Variants in BIN3 observed in about 807,000 individuals in gnomAD.
BIN3 encodes the protein bridging integrator 3.
Under a neutral mutation model 38.2 loss-of-function variants are expected in BIN3, and 41 were observed. The observed-to-expected ratio is 1.07, with a 90% CI of 0.84 to 1.39. The LOEUF is 1.39. BIN3 is among the 40% of genes most tolerant of loss of function. The pLI is 0.00. For missense variants in BIN3, 361 were observed against 324.3 expected, an observed-to-expected ratio of 1.11 and a Z score of -0.87; for synonymous variants, 145 against 122.6, an observed-to-expected ratio of 1.18 and a Z score of -1.21.
At chr8:22,661,603 T>C (rs1803239873) in intron 1 of BIN3, among the ~76,000 whole-genome samples, 1 of 151,092 alleles carries the variant, frequency 6.6e-6, no homozygotes, top group Non-Finnish European at 1.5e-5. Flanking sequence ...AGTGATCTGC[T>C]TGCCTTGACC....
intron 1 of BIN3, among the ~76,000 whole-genome samples, chr8:22,648,076 A>G (rs1410926236): frequency 7.2e-6 from 1 of 139,286 alleles, no homozygotes; most frequent in East Asian, 2.5e-4. Context: ...CAGAGCTTGC[A>G]GTGAGCCGAG....
At chr8:22,636,352 T>C (rs1180075988) in intron 4 of BIN3, among the ~76,000 whole-genome samples, 173 bp downstream of exon 4, 1 of 152,154 alleles carries the variant, frequency 6.6e-6, no homozygotes, top group Non-Finnish European at 1.5e-5. Context: ...GCGAGCTCTG[T>C]GCAAAGTGGG....
In BIN3 at chr8:22,626,575, T is replaced by C. The variant is rs542124801; in HGVS notation, c.339-2212A>G. On this transcript the variant is annotated intron_variant, in intron 6 of 8. Transcript: ENST00000276416. The stretch of plus-strand genomic sequence containing the variant: ...CTGCTGCTTGGATGGTCCCAGTGCC[T>C]GGGCCTTGTGGGTGCCTGGGAGCTG... The C allele has an allele frequency of 3.7e-3, 570 of 152,458 alleles. 3 individuals carry two copies. Among genetic ancestry groups the C allele is most frequent in the Admixed American group, 6.1e-3 (93 of 15,302 alleles). 9.4% of individuals were successfully genotyped at this position (152,458 alleles called of 1,614,324 possible).
chr8:22,633,502 C>T (rs544982010), intron 4 of BIN3, among the ~76,000 whole-genome samples: 12 of 152,342 alleles, frequency 7.9e-5, no homozygotes, highest in East Asian at 5.8e-4. Context: ...AGTCCTGATG[C>T]GGCCTCTGGA....
intron 1 of BIN3, among the ~76,000 whole-genome samples, chr8:22,651,382 C>T (rs1056590234): frequency 3.9e-5 from 6 of 152,222 alleles, no homozygotes; most frequent in African/African-American, 1.4e-4. Context: ...GCTCCCCAGC[C>T]GTGAGGCTCT....
chr8:22,647,400 T>C (rs1353839552), intron 1 of BIN3, among the ~76,000 whole-genome samples: 2 of 152,184 alleles, frequency 1.3e-5, no homozygotes, highest in African/African-American at 4.8e-5. Flanking sequence ...AGGAAGCAGA[T>C]CCAGAAAGGT....
Position 22,636,956 on chromosome 8 carries a change from T to G in BIN3, c.64A>C (p.Arg22=), listed in dbSNP as rs376481061. ...KKQIVPKTVE[R]DFEREYGKLQ... is the part of the protein sequence containing the mutation. ...TTTCCATACTCCCTTTCAAAGTCTC[T>G]CTCCACCTGAAACGAGAGAGATAAC... Residue 22 remains arginine, a synonymous_variant, in exon 3 of 9, where the codon AGA becomes CGA. Transcript: ENST00000276416. 145 of 1,613,026 alleles carry G rather than the reference T, an allele frequency of 9.0e-5. No homozygotes were observed. The African/African-American group carries it at 1.8e-3, about 20-fold the overall frequency.
chr8:22,652,221 T>G (rs1001449874), intron 1 of BIN3, among the ~76,000 whole-genome samples: 30 of 152,222 alleles, frequency 2.0e-4, no homozygotes, highest in Non-Finnish European at 1.5e-5. Context: ...ACTAAGTGCT[T>G]TCCTTGGATG....
chr8:22,638,350 C>T (rs1271447039), intron 2 of BIN3, among the ~76,000 whole-genome samples: 1 of 152,204 alleles, frequency 6.6e-6, no homozygotes, highest in South Asian at 2.1e-4. Flanking sequence ...GAGTGACTTC[C>T]CTAAGGATGC....
At chr8:22,662,756 AT>A (rs2117601675) in intron 1 of BIN3, among the ~76,000 whole-genome samples, 1 of 152,322 alleles carries the variant, frequency 6.6e-6, no homozygotes, top group South Asian at 2.1e-4. Context: ...ATAGATCAAA[AT>A]CAGTCATGAA....
chr8:22,623,099 G>C, intron 8 of BIN3, among the ~76,000 whole-genome samples: 1 of 152,368 alleles, frequency 6.6e-6, no homozygotes, highest in South Asian at 2.1e-4. Context: ...AGGAGGGGCA[G>C]AGCCACAGGG....
At chr8:22,622,145 G>A (rs1014513912) in intron 8 of BIN3, among the ~76,000 whole-genome samples, 2 of 152,224 alleles carry the variant, frequency 1.3e-5, no homozygotes, top group African/African-American at 4.8e-5. Context: ...GGTGTGGGAG[G>A]GGACACAGGG....
At chr8:22,663,513 G>C (rs1002598161) in intron 1 of BIN3, among the ~76,000 whole-genome samples, 7 of 150,250 alleles carry the variant, frequency 4.7e-5, no homozygotes, top group African/African-American at 1.7e-4. Context: ...TCTCTTCTGA[G>C]TTATCCTGCA....
chr8:22,655,314 G>A (rs1413324893), intron 1 of BIN3, among the ~76,000 whole-genome samples: 1 of 152,036 alleles, frequency 6.6e-6, no homozygotes, highest in East Asian at 1.9e-4. Flanking sequence ...TTCTTTTGTT[G>A]TTCATGCTTT....
Position 22,621,554 on chromosome 8 carries a change from C to T in BIN3, c.630G>A (p.Ser210=), listed in dbSNP as rs761017279. 45 of 1,613,664 alleles carry T rather than the reference C, an allele frequency of 2.8e-5. No individual in the cohort carries two copies. The Admixed American group carries it at 4.3e-4, about 16-fold the overall frequency. The change falls in exon 9 of 9, where the codon TCG becomes TCA. Residue 210 remains serine, a synonymous_variant. Coordinates refer to ENST00000276416, the MANE Select transcript of BIN3 (RefSeq NM_018688.6). ...SLIRAQVVYY[S]EMHKIFGDLS... is the part of the protein sequence containing the mutation. ...GGTCTCCAAAGATCTTGTGCATTTC[C>T]GAGTAGTACACAACCTGGGGGAGGC...
chr8:22,663,112 C>G (rs1320877117), intron 1 of BIN3, among the ~76,000 whole-genome samples: 1 of 152,054 alleles, frequency 6.6e-6, no homozygotes, highest in Non-Finnish European at 1.5e-5. Context: ...GGGCAAGAGC[C>G]TGTCTCAAAA....
chr8:22,627,989 C>A (rs1802058972), intron 6 of BIN3, among the ~76,000 whole-genome samples: 2 of 152,248 alleles, frequency 1.3e-5, no homozygotes, highest in African/African-American at 4.8e-5. Flanking sequence ...CCCATGATCA[C>A]TGCCCAATTC....
chr8:22,627,668 T>C (rs1802045065), intron 6 of BIN3, among the ~76,000 whole-genome samples: 1 of 152,132 alleles, frequency 6.6e-6, no homozygotes, highest in Non-Finnish European at 1.5e-5. Context: ...CCTCTCTCCC[T>C]GCCCACCTCA....
chr8:22,637,041 T>G, intron 2 of BIN3, 79 bp from the exon 3 acceptor site: 3 of 1,296,468 alleles, frequency 2.3e-6, no homozygotes, highest in African/African-American at 1.5e-5. Flanking sequence ...TGAAACTCTC[T>G]CCACACCCTG....
Sources: gnomAD v4.1 joint callset for allele counts (sites outside exome capture counted in the v4.1 genomes callset) on GRCh38, gnomAD v4.1.1 for gene constraint, MANE v1.5 for transcripts, NCBI Gene and HGNC (gene_info 2026-07-23, HGNC 2026-07-21) for gene names.